The following MYO5A variants were observed in gnomAD, a reference collection of about 807,000 sequenced individuals.
MYO5A encodes unconventional myosin-Va.
In MYO5A, 98 loss-of-function variants were observed where a neutral mutation model predicts 249.7. The ratio of observed to expected loss-of-function variants is 0.39; its 90% CI spans 0.33 to 0.46. The LOEUF is 0.46. Among genes scored for constraint, MYO5A ranks in the 20% least tolerant of loss-of-function variants. The pLI, the probability that MYO5A is intolerant of heterozygous loss-of-function variation, is 0.98. For missense variants in MYO5A, 1,696 were observed against 2,308.8 expected (o/e 0.73, Z 5.44); for synonymous variants, 778 against 810.6 (o/e 0.96, Z 0.68).
At chr15:52,341,220 G>A (rs1251471980) in intron 31 of MYO5A, among the ~76,000 whole-genome samples, 1 of 152,048 alleles carries the variant, frequency 6.6e-6, no homozygotes, top group African/African-American at 2.4e-5. Flanking sequence ...AGAAAGGCTG[G>A]AACACCACTC....
chr15:52,436,243 T>C (rs989899745), intron 1 of MYO5A, among the ~76,000 whole-genome samples: 6 of 152,232 alleles, frequency 3.9e-5, no homozygotes, highest in Non-Finnish European at 8.8e-5. Context: ...CCATCATAGT[T>C]AACATACAAA....
intron 1 of MYO5A, among the ~76,000 whole-genome samples, chr15:52,479,400 T>G (rs28483042): frequency 0.058 from 8,800 of 152,238 alleles, 752 homozygotes; most frequent in African/African-American, 0.19. Context: ...TCGATATTTC[T>G]AGGCTACATA....
intron 1 of MYO5A, among the ~76,000 whole-genome samples, chr15:52,500,271 C>T (rs1027840340): frequency 2.6e-5 from 4 of 151,352 alleles, no homozygotes; most frequent in African/African-American, 4.9e-5. Flanking sequence ...TAATGATGTT[C>T]AGCATCTTTT....
intron 24 of MYO5A, among the ~76,000 whole-genome samples, chr15:52,362,497 C>T (rs1009779739): frequency 6.6e-6 from 1 of 152,212 alleles, no homozygotes; most frequent in Non-Finnish European, 1.5e-5. Context: ...TCTGCAAAAA[C>T]TGTCATCTTG....
At chr15:52,397,525 G>A (rs2042543963) in intron 9 of MYO5A, 59 bp from the exon 10 acceptor site, 1 of 1,579,290 alleles carries the variant, frequency 6.3e-7, no homozygotes, top group Non-Finnish European at 8.7e-7. Flanking sequence ...GAATCTCTCG[G>A]AAAATGTTAA....
In MYO5A at chr15:52,311,908, C is replaced by T. The variant is rs1231078078; in HGVS notation, c.*1788G>A. On this transcript the variant is annotated 3_prime_UTR_variant, in exon 42 of 42. Coordinates refer to ENST00000399233, the MANE Select transcript of MYO5A (RefSeq NM_001382347.1). ...TTATCACTGATATGAAGCTGTTTGACTTCCATAAATATTGCACATATTTTA... is the reference window on the plus strand; with the variant it reads ...TTATCACTGATATGAAGCTGTTTGATTTCCATAAATATTGCACATATTTTA... 7.1e-6 allele frequency: 1 copy of T among 141,212 alleles called. No homozygotes were observed. The highest frequency in any genetic ancestry group is 7.5e-5 in the Admixed American group (1 of 13,332). The allele number at this position is 141,212 out of a possible 1,614,324, so 8.7% of individuals were successfully genotyped here. A position where few individuals can be genotyped will look rare whatever the true frequency, so the allele number is the denominator to read the frequency against.
chr15:52,412,692 C>G (rs936863967), intron 5 of MYO5A, among the ~76,000 whole-genome samples: 2 of 152,096 alleles, frequency 1.3e-5, no homozygotes, highest in Non-Finnish European at 2.9e-5. Context: ...CAAGAGACTC[C>G]CTAATACTAT....
intron 25 of MYO5A, among the ~76,000 whole-genome samples, chr15:52,356,841 T>G (rs1237996874): frequency 7.3e-6 from 1 of 136,908 alleles, no homozygotes; most frequent in Non-Finnish European, 1.5e-5. Context: ...TGTATATTAA[T>G]TAGCTACCTT....
chr15:52,456,303 G>A (rs181154222), intron 1 of MYO5A, among the ~76,000 whole-genome samples: 1 of 152,148 alleles, frequency 6.6e-6, no homozygotes, highest in Non-Finnish European at 1.5e-5. Context: ...ACTGATGAAA[G>A]AAATTAAAGA....
intron 1 of MYO5A, among the ~76,000 whole-genome samples, chr15:52,517,965 G>A (rs1379765351): frequency 6.6e-6 from 1 of 151,054 alleles, no homozygotes; most frequent in Non-Finnish European, 1.5e-5. Flanking sequence ...ACTTCTACAA[G>A]CAGAAAAAAA....
chr15:52,523,799 G>A (rs1381967688), intron 1 of MYO5A, among the ~76,000 whole-genome samples: 3 of 152,212 alleles, frequency 2.0e-5, no homozygotes, highest in African/African-American at 7.2e-5. Context: ...CAAATGGAAA[G>A]GGCATGACAG....
intron 27 of MYO5A, among the ~76,000 whole-genome samples, chr15:52,353,122 T>C (rs1186665886): frequency 6.6e-6 from 1 of 152,244 alleles, no homozygotes; most frequent in Non-Finnish European, 1.5e-5. Flanking sequence ...CCTGAAAATT[T>C]GCACTTCCAA....
Position 52,384,273 on chromosome 15 carries a change from G to T in MYO5A, c.1802C>A (p.Pro601Gln). 6.2e-7 allele frequency: 1 copy of T among 1,614,174 alleles called. No homozygotes were observed. The highest frequency in any genetic ancestry group is 8.5e-7 in the Non-Finnish European group (1 of 1,180,020). ...LFQDDEKAIS[P>Q]TSATSSGRTP... is the part of the protein sequence containing the mutation. Reference sequence around the variant, plus strand: ...GCGCCCTGAGGAGGTGGCTGAAGTTGGACTGATGGCCTTCTCATCATCTTG... The same window carrying T: ...GCGCCCTGAGGAGGTGGCTGAAGTTTGACTGATGGCCTTCTCATCATCTTG... The change falls in exon 15 of 42, where the codon CCA becomes CAA. Residue 601 changes from proline to glutamine, a missense_variant. Around this residue, in one of 5 missense-constraint regions of MYO5A, gnomAD observed 277 missense variants for 422.4 expected, o/e 0.66. Coordinates refer to ENST00000399233, the MANE Select transcript of MYO5A (RefSeq NM_001382347.1).
chr15:52,346,165 T>A (rs1292550086), intron 30 of MYO5A, among the ~76,000 whole-genome samples, 196 bp downstream of exon 30: 1 of 152,198 alleles, frequency 6.6e-6, no homozygotes. Flanking sequence ...CCCTGACACC[T>A]TTTGTCAATA....
intron 11 of MYO5A, among the ~76,000 whole-genome samples, chr15:52,393,768 T>A (rs567997332): frequency 1.5e-4 from 23 of 152,330 alleles, no homozygotes; most frequent in African/African-American, 5.5e-4. Flanking sequence ...AATATTTATG[T>A]CATGCTAACA....
chr15:52,513,309 T>C (rs1318165867), intron 1 of MYO5A, among the ~76,000 whole-genome samples: 2 of 150,702 alleles, frequency 1.3e-5, no homozygotes, highest in Non-Finnish European at 3.0e-5. Flanking sequence ...CATGTGCCTA[T>C]AATCCCAGCT....
chr15:52,500,136 C>T (rs1478281970), intron 1 of MYO5A, among the ~76,000 whole-genome samples: 2 of 152,120 alleles, frequency 1.3e-5, no homozygotes, highest in African/African-American at 4.8e-5. Flanking sequence ...TATCACCACC[C>T]GTGCACAAGA....
chr15:52,445,821 T>C (rs906279012), intron 1 of MYO5A, among the ~76,000 whole-genome samples: 6 of 152,146 alleles, frequency 3.9e-5, no homozygotes, highest in Non-Finnish European at 8.8e-5. Flanking sequence ...AGAGTGATGA[T>C]TTAAGGTATC....
Position 52,410,396 on chromosome 15 carries a change from T to A in MYO5A, c.693A>T (p.Arg231Ser), listed in dbSNP as rs2043198084. Reference sequence around the variant, plus strand: ...TCATATTGGCACCAATGATTCGATATCTCTTATCAAAACCAATCTCAATAT... The same window carrying A: ...TCATATTGGCACCAATGATTCGATAACTCTTATCAAAACCAATCTCAATAT... Reference protein sequence around the residue: ...GKYIEIGFDKRYRIIGANMRT... With the variant: ...GKYIEIGFDKSYRIIGANMRT... The change falls in exon 6 of 42, where the codon AGA (arginine) becomes AGT (serine). Residue 231 changes from arginine (R) to serine (S), a missense_variant. By Grantham distance (110) the Arg-to-Ser change is moderately radical. Coordinates refer to ENST00000399233, the MANE Select transcript of MYO5A (RefSeq NM_001382347.1). The A allele has an allele frequency of 6.2e-7, 1 of 1,613,486 alleles. No homozygotes were observed. The highest frequency in any genetic ancestry group is 2.2e-5 in the East Asian group (1 of 44,856).
Sources: allele counts gnomAD v4.1 joint callset (sites outside exome capture counted in the v4.1 genomes callset), GRCh38; gene constraint gnomAD v4.1.1; regional missense constraint gnomAD v4.1.1; transcripts MANE v1.5; gene names NCBI Gene and HGNC (gene_info 2026-07-23, HGNC 2026-07-21).